Variants in DNAL1 observed in about 807,000 individuals in gnomAD.
DNAL1 encodes the protein dynein axonemal light chain 1.
In DNAL1, 17 loss-of-function variants were observed where a neutral mutation model predicts 29.4. The ratio of observed to expected loss-of-function variants is 0.58; its 90% CI spans 0.40 to 0.87. DNAL1 has a LOEUF of 0.87. DNAL1 is among the 40% of genes least tolerant of loss of function. The probability of loss-of-function intolerance (pLI) is 0.00; values close to 1 mark genes in which losing one functional copy is unlikely to be tolerated. For missense variants in DNAL1, 188 were observed against 214.1 expected, an observed-to-expected ratio of 0.88 and a Z score of 0.76; for synonymous variants, 78 against 76.3, an observed-to-expected ratio of 1.02 and a Z score of -0.12.
chr14:73,671,601 G>T lies in DNAL1; in HGVS notation c.264+4G>T, dbSNP rs773731641. ...CATAAAGAACTTAAATGGACTGGTA[G>T]GTTGTTATTTATTATTATTTTATTT... is the stretch of plus-strand genomic sequence containing the variant. On this transcript the variant is annotated splice_donor_region_variant and intron_variant, in intron 5 of 7. Coordinates refer to ENST00000553645, the MANE Select transcript of DNAL1 (RefSeq NM_031427.4). The T allele has an allele frequency of 2.7e-6, 4 of 1,458,230 alleles. No individual in the cohort carries two copies. Among genetic ancestry groups the T allele is most frequent in the Non-Finnish European group, 3.6e-6 (4 of 1,096,916 alleles). 90.3% of individuals were successfully genotyped at this position (1,458,230 alleles called of 1,614,324 possible). A position where few individuals can be genotyped will look rare whatever the true frequency, so the allele number is the denominator to read the frequency against.
intron 7 of DNAL1, among the ~76,000 whole-genome samples, chr14:73,691,774 A>T (rs951314690): frequency 2.0e-5 from 3 of 147,752 alleles, no homozygotes; most frequent in Non-Finnish European, 3.0e-5. Context: ...GCTCACTGCA[A>T]CCTCCGCCTC....
At chr14:73,650,549 T>C (rs1218066538) in intron 1 of DNAL1, among the ~76,000 whole-genome samples, 1 of 152,250 alleles carries the variant, frequency 6.6e-6, no homozygotes, top group Admixed American at 6.5e-5. Context: ...TAATATTTGC[T>C]GAAATAAATG....
chr14:73,657,212 T>C (rs191381434), intron 2 of DNAL1, among the ~76,000 whole-genome samples: 6 of 152,286 alleles, frequency 3.9e-5, no homozygotes, highest in Admixed American at 6.5e-5. Flanking sequence ...TTTTGTTTTG[T>C]TAATTCGTTT....
rs540475697 is a variant in DNAL1, at chr14:73,654,765, A to AATAC, written c.4-59_4-56dup. 5.4e-3 allele frequency: 6,941 copies of AATAC among 1,287,426 alleles called. 232 individuals carry two copies. In the African/African-American group the frequency reaches 0.085, roughly 16 times the overall value. 79.8% of individuals were successfully genotyped at this position (1,287,426 alleles called of 1,614,324 possible). On this transcript the variant is annotated intron_variant, in intron 1 of 7. Transcript: ENST00000553645. ...CAGAGCAAGATTCTGTCTCAAAATA[A>AATAC]ATACATACATACATACATACATACA...
intron 6 of DNAL1, among the ~76,000 whole-genome samples, chr14:73,688,026 A>G (rs1335587414): frequency 6.6e-6 from 1 of 152,206 alleles, no homozygotes; most frequent in Non-Finnish European, 1.5e-5. Flanking sequence ...CTTGAAAAAA[A>G]AAATTAGGAT....
At chr14:73,671,217 T>G (rs565504135) in intron 4 of DNAL1, among the ~76,000 whole-genome samples, 1 of 152,320 alleles carries the variant, frequency 6.6e-6, no homozygotes, top group South Asian at 2.1e-4. Flanking sequence ...GAAATATATA[T>G]GCTCCCAAAC....
At position 73,661,927 on chromosome 14, in the gene DNAL1, A is replaced by G; in HGVS notation, c.153-60A>G. ...CTTTTATGGGCACTAGTGTTAAGGA[A>G]TAATTTCTGATTTACCATTTACATT... On this transcript the variant is annotated intron_variant, in intron 3 of 7. Transcript: ENST00000553645. 5.9e-6 allele frequency: 7 copies of G among 1,181,114 alleles called. No homozygotes were observed. In the Admixed American group the frequency reaches 1.3e-4, roughly 22 times the overall value. The allele number at this position is 1,181,114 out of a possible 1,614,324, so 73.2% of individuals were successfully genotyped here.
At chr14:73,688,310 T>C (rs1472228207) in intron 6 of DNAL1, among the ~76,000 whole-genome samples, 1 of 152,198 alleles carries the variant, frequency 6.6e-6, no homozygotes, top group African/African-American at 2.4e-5. Context: ...CTGATAATTA[T>C]AAAACTGTGT....
intron 5 of DNAL1, among the ~76,000 whole-genome samples, chr14:73,681,433 T>C (rs1891872239): frequency 1.3e-5 from 2 of 150,542 alleles, no homozygotes; most frequent in Non-Finnish European, 3.0e-5. Context: ...CCGCACCCGG[T>C]GATTTTATAA....
In DNAL1 at chr14:73,671,617, T is replaced by G; in HGVS notation, c.264+20T>G. 2.1e-6 allele frequency: 3 copies of G among 1,414,462 alleles called. No homozygotes were observed. The highest frequency in any genetic ancestry group is 2.8e-6 in the Non-Finnish European group (3 of 1,074,008). 87.6% of individuals were successfully genotyped at this position (1,414,462 alleles called of 1,614,324 possible). A position where few individuals can be genotyped will look rare whatever the true frequency, so the allele number is the denominator to read the frequency against. On this transcript the variant is annotated intron_variant, in intron 5 of 7. Transcript: ENST00000553645. ...GGACTGGTAGGTTGTTATTTATTATTATTTTATTTATTTAATTTGCACACA... is the reference window on the plus strand; with the variant it reads ...GGACTGGTAGGTTGTTATTTATTATGATTTTATTTATTTAATTTGCACACA...
rs1208689588 is a variant in DNAL1, at chr14:73,702,951, A to C, written c.*7009A>C. The C allele has an allele frequency of 6.6e-6, 1 of 151,994 alleles. No individual in the cohort carries two copies. Among genetic ancestry groups the C allele is most frequent in the Non-Finnish European group, 1.5e-5 (1 of 68,026 alleles). 9.4% of individuals were successfully genotyped at this position (151,994 alleles called of 1,614,324 possible). On this transcript the variant is annotated 3_prime_UTR_variant, in exon 8 of 8. Transcript: ENST00000553645. ...ATCGTGAGACCCCATCTCTACAAAA[A>C]AAAAAAAAGAAAAAAAAAATTAGTT...
At chr14:73,693,100 C>T (rs536390672) in intron 7 of DNAL1, among the ~76,000 whole-genome samples, 1 of 152,260 alleles carries the variant, frequency 6.6e-6, no homozygotes, top group South Asian at 2.1e-4. Context: ...TCCCTAAGTG[C>T]TGGAATTACA....
intron 5 of DNAL1, among the ~76,000 whole-genome samples, chr14:73,679,852 A>G (rs997505086): frequency 2.0e-5 from 3 of 150,468 alleles, no homozygotes; most frequent in African/African-American, 7.3e-5. Flanking sequence ...TTATTTTTAC[A>G]TGTGTCATGA....
chr14:73,690,034 T>G (rs1892131065), intron 7 of DNAL1, among the ~76,000 whole-genome samples: 1 of 64,666 alleles, frequency 1.5e-5, no homozygotes, highest in African/African-American at 1.0e-4. Flanking sequence ...TGAAATTCCG[T>G]CTCAAAAAAA....
chr14:73,655,324 A>ATTTTCT (rs977760768), intron 2 of DNAL1, among the ~76,000 whole-genome samples: 1 of 148,506 alleles, frequency 6.7e-6, no homozygotes, highest in African/African-American at 2.5e-5. Flanking sequence ...GTGTTAGTAC[A>ATTTTCT]TTTTCTTTTT....
Position 73,687,273 on chromosome 14 carries a change from C to T in DNAL1, c.279C>T (p.Asp93=), listed in dbSNP as rs1346829170. ...KNLNGLEAVG[D]TLEELWISYN... ...TTCTTTTTCAGGAGGCAGTAGGGGA[C>T]ACATTAGAAGAACTGTGGATCTCCT... The change falls in exon 6 of 8, where the codon GAC becomes GAT. Residue 93 remains aspartate, a synonymous_variant. Coordinates refer to ENST00000553645, the MANE Select transcript of DNAL1 (RefSeq NM_031427.4). 1.2e-6 allele frequency: 2 copies of T among 1,612,514 alleles called. No homozygotes were observed. Among genetic ancestry groups the T allele is most frequent in the Non-Finnish European group, 1.7e-6 (2 of 1,179,608 alleles).
chr14:73,652,337 C>T (rs1279031652), intron 1 of DNAL1, among the ~76,000 whole-genome samples: 1 of 152,164 alleles, frequency 6.6e-6, no homozygotes, highest in East Asian at 1.9e-4. Flanking sequence ...AATCTTGGCT[C>T]ACTGCACCCT....
intron 7 of DNAL1, among the ~76,000 whole-genome samples, chr14:73,694,236 C>CTATA (rs1359874056): frequency 1.3e-5 from 1 of 77,988 alleles, no homozygotes; most frequent in Non-Finnish European, 2.7e-5. Flanking sequence ...CAAGCCCTGT[C>CTATA]TATAAATAAA....
chr14:73,661,633 T>C (rs189252386), intron 3 of DNAL1, among the ~76,000 whole-genome samples: 84 of 152,220 alleles, frequency 5.5e-4, no homozygotes, highest in African/African-American at 2.0e-3. Flanking sequence ...TAATCCCAGC[T>C]ACTTGGGTGG....
Sources: gnomAD v4.1 joint callset for allele counts (sites outside exome capture counted in the v4.1 genomes callset) on GRCh38, gnomAD v4.1.1 for gene constraint, MANE v1.5 for transcripts, NCBI Gene and HGNC (gene_info 2026-07-23, HGNC 2026-07-21) for gene names.